Variants in TCF12 observed in about 807,000 individuals in gnomAD.
The protein encoded by TCF12 is transcription factor 12.
Under a neutral mutation model 86.0 loss-of-function variants are expected in TCF12, and 45 were observed. The observed-to-expected ratio is 0.52, with a 90% CI of 0.41 to 0.67. The LOEUF is 0.67. Ranked by LOEUF, TCF12 falls within the 30% of genes least tolerant of loss-of-function variation. TCF12 has a pLI of 0.00. For synonymous variants in TCF12, 330 were observed against 299.6 expected, an observed-to-expected ratio of 1.10 and a Z score of -1.05; for missense variants, 881 against 859.9, an observed-to-expected ratio of 1.02 and a Z score of -0.31.
chr15:56,997,835 T>TGG (rs1658223551), intron 3 of TCF12, among the ~76,000 whole-genome samples: 1 of 152,114 alleles, frequency 6.6e-6, no homozygotes, highest in African/African-American at 2.4e-5. Flanking sequence ...ACTTTAAATA[T>TGG]GGTATAGGTG....
At chr15:56,981,737 A>G (rs1360986037) in intron 3 of TCF12, among the ~76,000 whole-genome samples, 1 of 152,206 alleles carries the variant, frequency 6.6e-6, no homozygotes, top group Non-Finnish European at 1.5e-5. Flanking sequence ...TAAACAATTA[A>G]TACATATTTT....
chr15:57,180,678 G>T (rs2056274727), intron 6 of TCF12, among the ~76,000 whole-genome samples: 1 of 151,742 alleles, frequency 6.6e-6, no homozygotes. Context: ...GAGGTTCCAT[G>T]AATTCATATC....
At chr15:56,981,573 C>G (rs940132737) in intron 3 of TCF12, among the ~76,000 whole-genome samples, 15 of 152,118 alleles carry the variant, frequency 9.9e-5, no homozygotes, top group Admixed American at 1.3e-4. Context: ...CAAAAACACT[C>G]AAACCATAAC....
chr15:57,168,520 A>G (rs927805305), intron 6 of TCF12, among the ~76,000 whole-genome samples: 6 of 152,166 alleles, frequency 3.9e-5, no homozygotes, highest in Non-Finnish European at 8.8e-5. Flanking sequence ...TCAAATGTGG[A>G]TTGGTGATTG....
chr15:56,958,892 G>A (rs1443215594), intron 3 of TCF12, among the ~76,000 whole-genome samples: 7 of 151,974 alleles, frequency 4.6e-5, no homozygotes. Flanking sequence ...AATAAATTCA[G>A]CTTTTAATTT....
At chr15:57,153,794 G>A (rs2053925266) in intron 5 of TCF12, among the ~76,000 whole-genome samples, 1 of 152,030 alleles carries the variant, frequency 6.6e-6, no homozygotes, top group South Asian at 2.1e-4. Flanking sequence ...TGGGGAGGTG[G>A]GAGGATTGCT....
At chr15:57,017,327 G>GA (rs531128384) in intron 3 of TCF12, among the ~76,000 whole-genome samples, 136 of 152,312 alleles carry the variant, frequency 8.9e-4, no homozygotes, top group Non-Finnish European at 1.8e-3. Context: ...CTGACTTAAG[G>GA]AGAGTCACAA....
intron 8 of TCF12, among the ~76,000 whole-genome samples, chr15:57,216,287 G>A (rs1170719107): frequency 6.6e-6 from 1 of 152,096 alleles, no homozygotes; most frequent in Admixed American, 6.5e-5. Context: ...TTTTGCTAGT[G>A]TGTACAATGA....
At chr15:57,115,726 A>G (rs1261042726) in intron 5 of TCF12, among the ~76,000 whole-genome samples, 1 of 152,180 alleles carries the variant, frequency 6.6e-6, no homozygotes, top group Non-Finnish European at 1.5e-5. Flanking sequence ...AATTCCTAGC[A>G]GAGAAGTTTT....
chr15:56,924,436 G>A (rs1380913981), intron 3 of TCF12, among the ~76,000 whole-genome samples: 2 of 152,224 alleles, frequency 1.3e-5, no homozygotes, highest in African/African-American at 4.8e-5. Flanking sequence ...AACATATCAA[G>A]AACAAAATCA....
chr15:57,264,550 G>A (rs1261746458), intron 18 of TCF12, among the ~76,000 whole-genome samples: 5 of 151,710 alleles, frequency 3.3e-5, no homozygotes, highest in African/African-American at 9.7e-5. Flanking sequence ...TTGTTTGTTT[G>A]TTTACTTTTC....
intron 4 of TCF12, among the ~76,000 whole-genome samples, chr15:57,075,062 G>A (rs2069764795): frequency 6.6e-6 from 1 of 152,128 alleles, no homozygotes; most frequent in Non-Finnish European, 1.5e-5. Flanking sequence ...TTATTTAAAT[G>A]TCATTTTACA....
chr15:57,028,044 A>T (rs1405988119), intron 3 of TCF12, among the ~76,000 whole-genome samples: 1 of 151,584 alleles, frequency 6.6e-6, no homozygotes, highest in Non-Finnish European at 1.5e-5. Flanking sequence ...GCTCACTGCA[A>T]CCTCTGTCTC....
chr15:57,108,210 A>G lies in TCF12; in HGVS notation c.325+16319A>G, dbSNP rs116864774. 4.3e-3 allele frequency among the ~76,000 whole-genome samples: 660 copies of G among 152,116 alleles called. 6 individuals carry two copies. Among genetic ancestry groups the G allele is most frequent in the Admixed American group, 0.024 (365 of 15,298 alleles). On this transcript the variant is annotated intron_variant, in intron 5 of 20. Transcript: ENST00000333725. ...ATAAAACATCTTAGTAAGAAGACAT[A>G]TAGATGTGTGGGGTGAGGGAAAGGC...
At chr15:57,238,309 C>A (rs1297642329) in intron 12 of TCF12, among the ~76,000 whole-genome samples, 3 of 152,044 alleles carry the variant, frequency 2.0e-5, no homozygotes, top group Admixed American at 6.5e-5. Flanking sequence ...ATTACCTCTT[C>A]CTTCCTTGAT....
chr15:57,250,283 A>G (rs973419534), intron 13 of TCF12, among the ~76,000 whole-genome samples: 2 of 152,196 alleles, frequency 1.3e-5, no homozygotes, highest in Admixed American at 6.5e-5. Flanking sequence ...TAATATATTT[A>G]TACCCTTTGA....
intron 8 of TCF12, among the ~76,000 whole-genome samples, chr15:57,230,868 A>G (rs1308193078): frequency 2.6e-5 from 4 of 151,986 alleles, no homozygotes; most frequent in African/African-American, 4.8e-5. Context: ...AGCCAGCTCA[A>G]TGCTTATTCA....
chr15:57,075,835 T>TCTCTCTCTCTCTCTC (rs778545170), intron 4 of TCF12, among the ~76,000 whole-genome samples: 1 of 50,010 alleles, frequency 2.0e-5, no homozygotes, highest in Admixed American at 2.4e-4. Context: ...TCTCTCTCTC[T>TCTCTCTCTCTCTCTC]TTTCTTTCTT....
chr15:57,221,855 G>A (rs1333423607), intron 8 of TCF12, among the ~76,000 whole-genome samples: 5 of 151,880 alleles, frequency 3.3e-5, no homozygotes, highest in Non-Finnish European at 7.4e-5. Flanking sequence ...GAAAATCGTG[G>A]TATGTAATTA....
Sources: allele counts gnomAD v4.1 joint callset (sites outside exome capture counted in the v4.1 genomes callset), GRCh38; gene constraint gnomAD v4.1.1; transcripts MANE v1.5; gene names NCBI Gene and HGNC (gene_info 2026-07-23, HGNC 2026-07-21).